The following OCIAD1 variants were observed in gnomAD, a reference collection of about 807,000 sequenced individuals.
OCIAD1 encodes OCIA domain containing 1, also known as OCIA domain-containing protein 1.
Under a neutral mutation model 38.9 loss-of-function variants are expected in OCIAD1, and 29 were observed. That is an observed-to-expected ratio of 0.74 (90% confidence interval 0.55 to 1.02). The LOEUF (loss-of-function observed/expected upper bound fraction) is 1.02. Ranked by LOEUF, OCIAD1 falls within the 50% of genes least tolerant of loss-of-function variation. The probability of loss-of-function intolerance (pLI) is 0.00; values close to 1 mark genes in which losing one functional copy is unlikely to be tolerated. For missense variants in OCIAD1, 288 were observed against 289.6 expected (o/e 0.99, Z 0.04); for synonymous variants, 110 against 92.0 (o/e 1.20, Z -1.12).
intron 1 of OCIAD1, among the ~76,000 whole-genome samples, chr4:48,820,269 A>G (rs544400597): frequency 6.6e-6 from 1 of 152,344 alleles, no homozygotes; most frequent in South Asian, 2.1e-4. Flanking sequence ...GCACAACTAC[A>G]TGGAAATTGA....
chr4:48,848,674 A>G (rs1779169406), intron 5 of OCIAD1: 1 of 311,184 alleles, frequency 3.2e-6, no homozygotes, highest in Non-Finnish European at 5.8e-6. Context: ...ATGTAATAGA[A>G]CAATTAATTT....
intron 7 of OCIAD1, among the ~76,000 whole-genome samples, chr4:48,853,887 A>C (rs1160056232): frequency 6.6e-6 from 1 of 152,262 alleles, no homozygotes; most frequent in Admixed American, 6.5e-5. Context: ...ATGGAAGTTC[A>C]GATGATTAAA....
intron 7 of OCIAD1, chr4:48,852,525 TTTGTA>T (rs1208770586): frequency 6.6e-6 from 1 of 152,166 alleles, no homozygotes; most frequent in East Asian, 1.9e-4. Context: ...CAACATCAAT[TTTGTA>T]TTAAGGCTTG....
intron 1 of OCIAD1, among the ~76,000 whole-genome samples, chr4:48,821,245 C>T (rs1292414360): frequency 6.6e-6 from 1 of 152,182 alleles, no homozygotes; most frequent in Admixed American, 6.5e-5. Flanking sequence ...GCTGGTTCAA[C>T]ATACTCAAAT....
intron 3 of OCIAD1, among the ~76,000 whole-genome samples, chr4:48,839,579 C>T (rs1331808243): frequency 6.6e-6 from 1 of 152,056 alleles, no homozygotes; most frequent in Non-Finnish European, 1.5e-5. Context: ...GGGATAACTG[C>T]CTAGCTCATG....
chr4:48,859,197 A>G (rs1229115568), intron 8 of OCIAD1, among the ~76,000 whole-genome samples: 8 of 149,122 alleles, frequency 5.4e-5, no homozygotes, highest in Admixed American at 4.0e-4. Flanking sequence ...AATGATAGAT[A>G]ATATCTGCAT....
At chr4:48,812,452 A>G (rs780687364) in intron 1 of OCIAD1, among the ~76,000 whole-genome samples, 42 of 152,094 alleles carry the variant, frequency 2.8e-4, no homozygotes, top group Non-Finnish European at 5.1e-4. Flanking sequence ...TTTGGAAATC[A>G]GAAAGACAAG....
intron 1 of OCIAD1, among the ~76,000 whole-genome samples, chr4:48,817,861 T>A (rs1416655923): frequency 1.3e-5 from 2 of 152,146 alleles, no homozygotes; most frequent in Non-Finnish European, 2.9e-5. Flanking sequence ...CTTCTCTAGA[T>A]TTCTCCTCAC....
chr4:48,853,735 A>C (rs543109642), intron 7 of OCIAD1, among the ~76,000 whole-genome samples: 3 of 152,314 alleles, frequency 2.0e-5, no homozygotes, highest in African/African-American at 7.2e-5. Flanking sequence ...CAATAGTCAC[A>C]TGTGCTAGTG....
At chr4:48,831,321 C>T (rs528125916) in intron 1 of OCIAD1, 72 bp downstream of exon 1, 1 of 398,098 alleles carries the variant, frequency 2.5e-6, no homozygotes, top group Non-Finnish European at 4.9e-6. Flanking sequence ...CGGCCATCCA[C>T]GACTTTCGCA....
At chr4:48,808,655 A>C (rs1192345647) in intron 1 of OCIAD1, among the ~76,000 whole-genome samples, 2 of 152,146 alleles carry the variant, frequency 1.3e-5, no homozygotes, top group Admixed American at 1.3e-4. Context: ...TGAAGAATGC[A>C]GCCCTCACCG....
At chr4:48,838,255 T>G (rs1192871119) in intron 3 of OCIAD1, among the ~76,000 whole-genome samples, 2 of 151,240 alleles carry the variant, frequency 1.3e-5, no homozygotes, top group African/African-American at 4.9e-5. Context: ...GAGGCAGAGG[T>G]TGCAGCAAGC....
intron 1 of OCIAD1, among the ~76,000 whole-genome samples, chr4:48,810,886 CTTTCTTTCTTTTTTTTT>C (rs1320595442): frequency 1.8e-4 from 8 of 44,302 alleles, no homozygotes; most frequent in African/African-American, 5.9e-4. Flanking sequence ...TTTTTTCTTT[CTTTCTTTCTTTTTTTTT>C]TTTTTTTTTT....
At chr4:48,852,865 G>GTTTTTTTT (rs1391651931) in intron 7 of OCIAD1, among the ~76,000 whole-genome samples, 65 of 94,922 alleles carry the variant, frequency 6.8e-4, no homozygotes, top group African/African-American at 2.8e-3. Context: ...TTTAAGCCAA[G>GTTTTTTTT]TTTTTTTTTG....
chr4:48,860,496 G>A (rs550983515), intron 8 of OCIAD1, among the ~76,000 whole-genome samples: 1 of 152,096 alleles, frequency 6.6e-6, no homozygotes, highest in South Asian at 2.1e-4. Flanking sequence ...GTGTTTAGAA[G>A]TTTGTTATGA....
intron 7 of OCIAD1, among the ~76,000 whole-genome samples, chr4:48,852,821 A>G (rs1779611669): frequency 6.6e-6 from 1 of 151,964 alleles, no homozygotes; most frequent in Admixed American, 6.6e-5. Flanking sequence ...ACAGGTCTGT[A>G]ATTCTTTATC....
At chr4:48,840,102 T>C (rs925141398) in intron 3 of OCIAD1, among the ~76,000 whole-genome samples, 1 of 152,238 alleles carries the variant, frequency 6.6e-6, no homozygotes, top group African/African-American at 2.4e-5. Flanking sequence ...AATGAGACCT[T>C]AGGTCTAATC....
intron 1 of OCIAD1, among the ~76,000 whole-genome samples, chr4:48,823,610 T>C (rs1271339578): frequency 6.6e-6 from 1 of 152,074 alleles, no homozygotes; most frequent in African/African-American, 2.4e-5. Flanking sequence ...GAAATGGCTA[T>C]ACACATTTCC....
intron 4 of OCIAD1, among the ~76,000 whole-genome samples, chr4:48,847,820 C>T (rs745941589): frequency 1.8e-4 from 28 of 152,294 alleles, no homozygotes; most frequent in Non-Finnish European, 1.8e-4. Context: ...TTCTATAATA[C>T]GATTCTTCAG....
Sources: allele counts gnomAD v4.1 joint callset (sites outside exome capture counted in the v4.1 genomes callset), GRCh38; gene constraint gnomAD v4.1.1; transcripts MANE v1.5; gene names NCBI Gene and HGNC (gene_info 2026-07-23, HGNC 2026-07-21).